The following LIMCH1 variants were observed in gnomAD, a reference collection of about 807,000 sequenced individuals.
LIMCH1 encodes the protein LIM and calponin homology domains 1.
A neutral mutation model predicts 176.5 loss-of-function variants in LIMCH1; 113 were observed. The observed-to-expected ratio is 0.64, with a 90% confidence interval of 0.55 to 0.75. The LOEUF (loss-of-function observed/expected upper bound fraction) is 0.75. Among genes scored for constraint, LIMCH1 ranks in the 30% least tolerant of loss-of-function variants. The probability of loss-of-function intolerance (pLI) is 0.00; values close to 1 mark genes in which losing one functional copy is unlikely to be tolerated. For synonymous variants in LIMCH1, 619 were observed against 645.9 expected, an observed-to-expected ratio of 0.96 and a Z score of 0.63; for missense variants, 1,674 against 1,814.9, an observed-to-expected ratio of 0.92 and a Z score of 1.41.
rs537390508 is a variant in LIMCH1, at chr4:41,495,216, T to G, written c.167+610T>G. On this transcript the variant is annotated intron_variant, in intron 2 of 26. Coordinates refer to the LIMCH1 transcript ENST00000313860. ...CTTATAAAGACATATATTTCAAGAT[T>G]TATGGATAGACGTAAATTTCAAGAT... Among the ~76,000 whole-genome samples the G allele has an allele frequency of 3.3e-5, 5 of 152,322 alleles. No homozygotes were observed. The East Asian group carries it at 7.7e-4, about 24-fold the overall frequency.
chr4:41,664,917 A>T (rs2094770062), intron 20 of LIMCH1, among the ~76,000 whole-genome samples: 1 of 152,212 alleles, frequency 6.6e-6, no homozygotes, highest in Non-Finnish European at 1.5e-5. Flanking sequence ...AATAAAATAC[A>T]CAGGATTACC....
intron 1 of LIMCH1, among the ~76,000 whole-genome samples, chr4:41,473,475 TG>T (rs2067282374): frequency 6.6e-6 from 1 of 152,246 alleles, no homozygotes; most frequent in Non-Finnish European, 1.5e-5. Flanking sequence ...TCTGTTTTGC[TG>T]GTTCTACTGA....
At chr4:41,366,052 G>A (rs2052919590) in intron 1 of LIMCH1, among the ~76,000 whole-genome samples, 1 of 152,196 alleles carries the variant, frequency 6.6e-6, no homozygotes, top group Non-Finnish European at 1.5e-5. Context: ...TCAGTGCTAG[G>A]TGGGACTAGG....
intron 1 of LIMCH1, among the ~76,000 whole-genome samples, chr4:41,598,381 AG>A: frequency 6.6e-6 from 1 of 152,268 alleles, no homozygotes; most frequent in South Asian, 2.1e-4. Context: ...TCGATTGTCT[AG>A]ATTTTTTTTC....
intron 3 of LIMCH1, chr4:41,524,590 G>A (rs1451104489): frequency 1.2e-6 from 1 of 818,324 alleles, no homozygotes; most frequent in Non-Finnish European, 2.1e-6. Flanking sequence ...CCACTTGAAT[G>A]AGAACGCATT....
At chr4:41,651,611 GA>G (rs1399663737) in intron 18 of LIMCH1, among the ~76,000 whole-genome samples, 2 of 152,058 alleles carry the variant, frequency 1.3e-5, no homozygotes, top group Admixed American at 6.6e-5. Context: ...GTTTATTTAG[GA>G]CCTCATTAGA....
intron 1 of LIMCH1, among the ~76,000 whole-genome samples, chr4:41,548,066 G>C (rs1189310052): frequency 1.3e-5 from 2 of 151,410 alleles, no homozygotes; most frequent in African/African-American, 2.4e-5. Context: ...AGGAATAAAG[G>C]CATATGGATC....
chr4:41,518,415 GA>G (rs2075804534), intron 2 of LIMCH1, among the ~76,000 whole-genome samples: 2 of 151,946 alleles, frequency 1.3e-5, no homozygotes, highest in East Asian at 1.9e-4. Flanking sequence ...GTTGCAGATA[GA>G]AAAAAAGTCT....
In LIMCH1 at chr4:41,605,943, C is replaced by T. The variant is rs2090645739; in HGVS notation, c.-53C>T. The stretch of plus-strand genomic sequence containing the variant: ...GGAAAAGCAGCAAACAGCTGCACAT[C>T]CTACAGCGGAACGACACTAAACCTG... On this transcript the variant is annotated 5_prime_UTR_variant, in exon 4 of 32. Coordinates refer to ENST00000503057, the MANE Select transcript of LIMCH1 (RefSeq NM_001330672.2). The T allele has an allele frequency of 6.2e-7, 1 of 1,613,728 alleles. No individual in the cohort carries two copies. The highest frequency in any genetic ancestry group is 1.3e-5 in the African/African-American group (1 of 74,918).
upstream of LIMCH1, among the ~76,000 whole-genome samples, chr4:41,535,721 C>T (rs1246988211): frequency 6.6e-6 from 1 of 152,134 alleles, no homozygotes; most frequent in African/African-American, 2.4e-5. Context: ...TTCTTATTCA[C>T]GTGTGTTTTG....
intron 1 of LIMCH1, among the ~76,000 whole-genome samples, chr4:41,380,083 G>A (rs1456232367): frequency 2.0e-5 from 3 of 152,138 alleles, no homozygotes; most frequent in Non-Finnish European, 2.9e-5. Context: ...AGGATTACAG[G>A]TGTGAGCCAC....
chr4:41,522,398 G>A (rs1011800828), intron 2 of LIMCH1, among the ~76,000 whole-genome samples: 3 of 152,012 alleles, frequency 2.0e-5, no homozygotes, highest in Non-Finnish European at 2.9e-5. Context: ...AGTCTTTCAG[G>A]TTGCCTTCAG....
At chr4:41,513,398 G>C (rs569151857) in intron 2 of LIMCH1, among the ~76,000 whole-genome samples, 4 of 152,282 alleles carry the variant, frequency 2.6e-5, no homozygotes, top group African/African-American at 9.6e-5. Flanking sequence ...TGCACGCCCA[G>C]TAAAGGAGAA....
At chr4:41,605,128 G>A (rs2090520668) in intron 3 of LIMCH1, among the ~76,000 whole-genome samples, 1 of 152,148 alleles carries the variant, frequency 6.6e-6, no homozygotes, top group African/African-American at 2.4e-5. Flanking sequence ...AAGAGGATTT[G>A]CTTTTGTGGA....
At chr4:41,473,020 C>T (rs781539753) in intron 1 of LIMCH1, 4 of 982,864 alleles carry the variant, frequency 4.1e-6, no homozygotes, top group Admixed American at 6.2e-5. Flanking sequence ...AGAATAAATG[C>T]GAAGGCCAAT....
intron 22 of LIMCH1, among the ~76,000 whole-genome samples, chr4:41,671,884 CAAAAAAAAAAAAA>C (rs34994833): frequency 1.1e-4 from 6 of 52,354 alleles, no homozygotes; most frequent in East Asian, 5.0e-4. Context: ...GACTTCGTCT[CAAAAAAAAAAAAA>C]AAAAAAAAAA....
chr4:41,643,296 C>G (rs554406489), intron 14 of LIMCH1, among the ~76,000 whole-genome samples: 1 of 152,060 alleles, frequency 6.6e-6, no homozygotes, highest in South Asian at 2.1e-4. Context: ...GTCTGGAATT[C>G]TTTGGTGTCT....
intron 2 of LIMCH1, among the ~76,000 whole-genome samples, chr4:41,514,582 A>G (rs552481266): frequency 3.2e-4 from 48 of 152,336 alleles, no homozygotes; most frequent in Non-Finnish European, 6.2e-4. Context: ...TTTGTGAACA[A>G]TCTTGAATAG....
At chr4:41,396,127 G>A (rs1269819525) in intron 1 of LIMCH1, among the ~76,000 whole-genome samples, 5 of 152,094 alleles carry the variant, frequency 3.3e-5, no homozygotes, top group East Asian at 3.9e-4. Flanking sequence ...TTGTGGGGCC[G>A]GATCTGTAGG....
Sources: allele counts gnomAD v4.1 joint callset (sites outside exome capture counted in the v4.1 genomes callset), GRCh38; gene constraint gnomAD v4.1.1; transcripts MANE v1.5; gene names NCBI Gene and HGNC (gene_info 2026-07-23, HGNC 2026-07-21).